Variants in SCFD2 observed in about 807,000 individuals in gnomAD.
The protein encoded by SCFD2 is sec1 family domain containing 2.
In SCFD2, 54 loss-of-function variants were observed where a neutral mutation model predicts 58.9. That is an observed-to-expected ratio of 0.92 (90% CI 0.74 to 1.15). The LOEUF (loss-of-function observed/expected upper bound fraction) is 1.15, where lower values mean the gene tolerates loss of function less well. SCFD2 is among the 50% of genes most tolerant of loss of function. The probability of loss-of-function intolerance (pLI) is 0.00; values close to 1 mark genes in which losing one functional copy is unlikely to be tolerated. For synonymous variants in SCFD2, 321 were observed against 335.9 expected (o/e 0.96, Z 0.49); for missense variants, 805 against 836.6 (o/e 0.96, Z 0.47).
chr4:53,078,607 T>C (rs572105431), intron 5 of SCFD2, among the ~76,000 whole-genome samples: 33 of 152,276 alleles, frequency 2.2e-4, no homozygotes, highest in Non-Finnish European at 1.9e-4. Flanking sequence ...TTCAAATATA[T>C]AATTTCACTT....
chr4:53,200,312 C>G (rs907382238), intron 4 of SCFD2, among the ~76,000 whole-genome samples: 4 of 151,994 alleles, frequency 2.6e-5, no homozygotes, highest in Admixed American at 6.6e-5. Flanking sequence ...TTGTCTTAAA[C>G]AACAGCCTCT....
intron 2 of SCFD2, among the ~76,000 whole-genome samples, chr4:53,325,476 C>A (rs1475123738): frequency 1.3e-5 from 2 of 152,148 alleles, no homozygotes; most frequent in African/African-American, 4.8e-5. Flanking sequence ...CAGGACTGAG[C>A]TTCAAGTACA....
intron 5 of SCFD2, among the ~76,000 whole-genome samples, 161 bp from the exon 6 acceptor site, chr4:52,921,031 C>T (rs1719723531): frequency 6.6e-6 from 1 of 151,506 alleles, no homozygotes; most frequent in Admixed American, 6.6e-5. Flanking sequence ...TGTTTACCAA[C>T]TGGGCTGTTT....
chr4:53,318,030 C>G (rs1346765587), intron 2 of SCFD2, among the ~76,000 whole-genome samples: 1 of 152,154 alleles, frequency 6.6e-6, no homozygotes, highest in African/African-American at 2.4e-5. Context: ...TACTTGTGTA[C>G]ATATATGTAC....
chr4:52,923,510 AAATAAATG>A (rs940178065), intron 5 of SCFD2, among the ~76,000 whole-genome samples: 5 of 150,832 alleles, frequency 3.3e-5, no homozygotes, highest in African/African-American at 1.2e-4. Flanking sequence ...ATAAATAAAT[AAATAAATG>A]TGTGGTCAAG....
intron 5 of SCFD2, among the ~76,000 whole-genome samples, chr4:53,138,712 T>A (rs190045216): frequency 1.3e-5 from 2 of 152,212 alleles, no homozygotes; most frequent in Admixed American, 6.5e-5. Context: ...TATGCTGCCA[T>A]TGAGTATGCT....
At chr4:52,942,554 T>C (rs919241130) in intron 5 of SCFD2, among the ~76,000 whole-genome samples, 9 of 152,196 alleles carry the variant, frequency 5.9e-5, no homozygotes, top group South Asian at 2.1e-4. Context: ...CTGACTTCTC[T>C]GGGCTTCATA....
At chr4:53,214,209 C>T (rs368148124) in intron 4 of SCFD2, among the ~76,000 whole-genome samples, 3 of 151,994 alleles carry the variant, frequency 2.0e-5, no homozygotes, top group South Asian at 2.1e-4. Flanking sequence ...TTTCTAGTTC[C>T]AGATCCCTGA....
At chr4:52,971,672 A>G (rs1318366873) in intron 5 of SCFD2, among the ~76,000 whole-genome samples, 1 of 152,208 alleles carries the variant, frequency 6.6e-6, no homozygotes, top group Non-Finnish European at 1.5e-5. Context: ...GGAACGCCAC[A>G]AAGATACTCC....
Position 53,145,508 on chromosome 4 carries a change from G to C in SCFD2, c.1386C>G (p.Thr462=), listed in dbSNP as rs1726302163. ...LPMIKPVTQR[T]NEDYSPEELL... ...GTTCCTCAGGGCTGTAGTCCTCGTTGGTTCTCTGGGTTACAGGCTTAATCA... is the reference window on the plus strand; with the variant it reads ...GTTCCTCAGGGCTGTAGTCCTCGTTCGTTCTCTGGGTTACAGGCTTAATCA... The change falls in exon 5 of 9, where the codon ACC becomes ACG. Residue 462 remains threonine, a synonymous_variant. Transcript: ENST00000401642. The C allele has an allele frequency of 6.2e-7, 1 of 1,613,932 alleles. No homozygotes were observed.
At chr4:53,078,267 C>T (rs564211953) in intron 5 of SCFD2, among the ~76,000 whole-genome samples, 1 of 152,162 alleles carries the variant, frequency 6.6e-6, no homozygotes, top group Non-Finnish European at 1.5e-5. Context: ...GTCTATATCT[C>T]CCAAGCTCAC....
At chr4:52,965,633 C>G (rs1720946339) in intron 5 of SCFD2, among the ~76,000 whole-genome samples, 1 of 152,216 alleles carries the variant, frequency 6.6e-6, no homozygotes, top group Non-Finnish European at 1.5e-5. Flanking sequence ...TTGCCCACTT[C>G]TGATGTTCCA....
chr4:52,919,910 A>G (rs1040925714), intron 6 of SCFD2, among the ~76,000 whole-genome samples: 1 of 152,248 alleles, frequency 6.6e-6, no homozygotes, highest in African/African-American at 2.4e-5. Flanking sequence ...AAAAAGCCTT[A>G]ACAAATAGAG....
chr4:53,090,344 C>A (rs576419757), intron 5 of SCFD2, among the ~76,000 whole-genome samples: 10 of 152,242 alleles, frequency 6.6e-5, no homozygotes, highest in African/African-American at 2.4e-4. Flanking sequence ...ATATTCAACT[C>A]ACTGAAAATG....
At position 53,183,518 on chromosome 4, in the gene SCFD2, G is replaced by A. The variant is rs542958701; in HGVS notation, c.1312-37936C>T. Among the ~76,000 whole-genome samples the A allele has an allele frequency of 5.3e-5, 8 of 152,202 alleles. No individual in the cohort carries two copies. The East Asian group carries it at 1.5e-3, about 29-fold the overall frequency. ...GGGACTGTTGTGGGGTGGGGGAGTG[G>A]GGAGGGATAGCATTAGGAGATATAC... On this transcript the variant is annotated intron_variant, in intron 4 of 8. Coordinates refer to ENST00000401642, the MANE Select transcript of SCFD2 (RefSeq NM_152540.4).
At chr4:52,918,759 C>A (rs1034913087) in intron 6 of SCFD2, among the ~76,000 whole-genome samples, 5 of 152,120 alleles carry the variant, frequency 3.3e-5, no homozygotes, top group African/African-American at 1.2e-4. Context: ...TCACTGCCAC[C>A]CAATTGATCA....
At chr4:53,063,447 G>A (rs984216213) in intron 5 of SCFD2, among the ~76,000 whole-genome samples, 20 of 152,230 alleles carry the variant, frequency 1.3e-4, no homozygotes, top group African/African-American at 4.6e-4. Context: ...CATTTTAAAA[G>A]GAGATAAAAA....
At chr4:53,155,644 G>C (rs1246246454) in intron 4 of SCFD2, among the ~76,000 whole-genome samples, 6 of 152,186 alleles carry the variant, frequency 3.9e-5, no homozygotes, top group Admixed American at 6.5e-5. Context: ...TAGGGATCCA[G>C]TGCATGTCTT....
intron 5 of SCFD2, among the ~76,000 whole-genome samples, chr4:52,959,537 G>C (rs528553817): frequency 1.1e-4 from 16 of 152,174 alleles, no homozygotes; most frequent in African/African-American, 3.4e-4. Flanking sequence ...CCTTTTGTTA[G>C]AGACTCTTCA....
Sources: allele counts gnomAD v4.1 joint callset (sites outside exome capture counted in the v4.1 genomes callset), GRCh38; gene constraint gnomAD v4.1.1; transcripts MANE v1.5; gene names NCBI Gene and HGNC (gene_info 2026-07-23, HGNC 2026-07-21).